GLG1: variants seen among roughly 807,000 people sequenced by gnomAD.
GLG1 encodes golgi glycoprotein 1, also known as Golgi apparatus protein 1.
GLG1 carries 38 observed loss-of-function variants against 160.5 expected under a neutral mutation model. That is an observed-to-expected ratio of 0.24 (90% CI 0.18 to 0.31). The LOEUF is 0.31. GLG1 is among the 10% of genes least tolerant of loss of function. The probability of loss-of-function intolerance (pLI) is 1.00; values close to 1 mark genes in which losing one functional copy is unlikely to be tolerated. For synonymous variants in GLG1, 644 were observed against 543.4 expected (o/e 1.19, Z -2.57); for missense variants, 1,373 against 1,505.2 (o/e 0.91, Z 1.45).
chr16:74,516,950 T>A (rs888826005), intron 2 of GLG1, among the ~76,000 whole-genome samples: 3 of 152,176 alleles, frequency 2.0e-5, no homozygotes, highest in Non-Finnish European at 4.4e-5. Context: ...CTAGAAAATC[T>A]AGAAGAAATG....
intron 7 of GLG1, among the ~76,000 whole-genome samples, chr16:74,491,688 G>C (rs1399101258): frequency 8.1e-4 from 11 of 13,528 alleles, no homozygotes; most frequent in Non-Finnish European, 5.8e-4. Context: ...ACCCAGGCTG[G>C]AGTGCAGCGC....
intron 18 of GLG1, 132 bp downstream of exon 18, chr16:74,467,624 T>G (rs2015046484): frequency 8.2e-6 from 5 of 612,926 alleles, no homozygotes; most frequent in East Asian, 2.9e-5. Context: ...TTGGAAGGGA[T>G]GAGATGGGTC....
At chr16:74,544,332 A>T (rs1313519572) in intron 1 of GLG1, among the ~76,000 whole-genome samples, 3 of 152,206 alleles carry the variant, frequency 2.0e-5, no homozygotes, top group Non-Finnish European at 2.9e-5. Context: ...TGTTGTTTTG[A>T]GACAGAGTTT....
chr16:74,473,437 CTTTTT>C (rs11421713), intron 13 of GLG1, among the ~76,000 whole-genome samples: 1 of 110,992 alleles, frequency 9.0e-6, no homozygotes, highest in East Asian at 2.5e-4. Context: ...TGGTCTTGAC[CTTTTT>C]TTTTTTTTTT....
intron 1 of GLG1, among the ~76,000 whole-genome samples, chr16:74,580,608 T>C (rs905024753): frequency 6.6e-5 from 10 of 152,132 alleles, no homozygotes; most frequent in East Asian, 1.9e-4. Context: ...CTTCATGACA[T>C]TGAATTTGCA....
At position 74,588,084 on chromosome 16, in the gene GLG1, G is replaced by C. The variant is rs531693449; in HGVS notation, c.438+18573C>G. Among the ~76,000 whole-genome samples, 5 of 151,314 alleles carry C rather than the reference G, an allele frequency of 3.3e-5. No individual in the cohort carries two copies. The South Asian group carries it at 8.4e-4, about 25-fold the overall frequency. On this transcript the variant is annotated intron_variant, in intron 1 of 25. Coordinates refer to ENST00000422840, the MANE Select transcript of GLG1 (RefSeq NM_001145667.2). ...GCAATTATCCAAAATGAAACACAGAGAGAAAAAAAACAGGGGGAGCGTTGG... is the reference window on the plus strand; with the variant it reads ...GCAATTATCCAAAATGAAACACAGACAGAAAAAAAACAGGGGGAGCGTTGG...
Position 74,511,599 on chromosome 16 carries a change from AAAAGAAAG to A in GLG1, c.472-2682_472-2675del, listed in dbSNP as rs1227811955. 5.9e-3 allele frequency among the ~76,000 whole-genome samples: 859 copies of A among 146,596 alleles called. 2 individuals are homozygous for A. The highest frequency in any genetic ancestry group is 0.018 in the Middle Eastern group (5 of 284). ...CCTTTTTTTTTTAAAAAAAAAAAAA[AAAAGAAAG>A]AAAGAAAGAAAGAAAAGAAAAGCTT... On this transcript the variant is annotated intron_variant, in intron 2 of 25. Coordinates refer to ENST00000422840, the MANE Select transcript of GLG1 (RefSeq NM_001145667.2).
At chr16:74,498,085 G>C (rs1020610302) in intron 4 of GLG1, among the ~76,000 whole-genome samples, 4 of 151,888 alleles carry the variant, frequency 2.6e-5, no homozygotes, top group African/African-American at 9.7e-5. Context: ...TACAAGATAT[G>C]TTTCAACAAT....
At position 74,452,347 on chromosome 16, in the gene GLG1, G is replaced by C; in HGVS notation, c.*820C>G. The C allele has an allele frequency of 2.9e-6, 4 of 1,374,976 alleles. No homozygotes were observed. Among genetic ancestry groups the C allele is most frequent in the Non-Finnish European group, 3.8e-6 (4 of 1,061,700 alleles). The allele number at this position is 1,374,976 out of a possible 1,614,324, so 85.2% of individuals were successfully genotyped here. On this transcript the variant is annotated 3_prime_UTR_variant, in exon 26 of 26. Coordinates refer to ENST00000422840, the MANE Select transcript of GLG1 (RefSeq NM_001145667.2). ...AGGTTCCTGGGATCCTGCTGCCCCG[G>C]GACTCAGGATCCAGCCTCTCAGTGC...
rs1398671622 is a variant in GLG1, at chr16:74,478,200, G to A, written c.1828-667C>T. Among the ~76,000 whole-genome samples, 3 of 152,124 alleles carry A rather than the reference G, an allele frequency of 2.0e-5. No individual in the cohort carries two copies. In the East Asian group the frequency reaches 5.8e-4, roughly 29 times the overall value. The stretch of plus-strand genomic sequence containing the variant: ...TGTTGTTTTGCTTAGCAAAACTAAT[G>A]TGTCAGTCTATGAACACCAGGTAGA... On this transcript the variant is annotated intron_variant, in intron 11 of 25. Coordinates refer to ENST00000422840, the MANE Select transcript of GLG1 (RefSeq NM_001145667.2).
At chr16:74,494,641 G>A (rs576209212) in intron 6 of GLG1, 119 bp downstream of exon 6, 13 of 496,908 alleles carry the variant, frequency 2.6e-5, no homozygotes, top group Admixed American at 2.4e-4. Flanking sequence ...TCCTGACCTC[G>A]TGATCCACCT....
At chr16:74,507,698 T>C (rs959404868) in intron 3 of GLG1, among the ~76,000 whole-genome samples, 2 of 151,836 alleles carry the variant, frequency 1.3e-5, no homozygotes, top group African/African-American at 4.8e-5. Flanking sequence ...GTGGCACCAC[T>C]GCACTCCAGC....
intron 3 of GLG1, among the ~76,000 whole-genome samples, chr16:74,507,728 T>A (rs1416495516): frequency 6.6e-6 from 1 of 151,178 alleles, no homozygotes; most frequent in East Asian, 1.9e-4. Flanking sequence ...AGAGCAAGAC[T>A]CCATCTCAAA....
rs752649299 is a variant in GLG1 at position 74,472,595 on chromosome 16, C to A, written c.2053-184G>T. The A allele has an allele frequency of 2.4e-5, 35 of 1,485,822 alleles. 1 individual carries two copies. The African/African-American group carries it at 3.6e-4, about 15-fold the overall frequency. The allele number at this position is 1,485,822 out of a possible 1,614,324, so 92.0% of individuals were successfully genotyped here. ...AATATAGAACTGCTCCTCCGTTATA[C>A]TTTGAAAGGCAAATTTTTAAAGACA... On this transcript the variant is annotated intron_variant, in intron 13 of 25. Coordinates refer to ENST00000422840, the MANE Select transcript of GLG1 (RefSeq NM_001145667.2).
chr16:74,457,111 C>G (rs988039389), intron 24 of GLG1, among the ~76,000 whole-genome samples: 3 of 152,114 alleles, frequency 2.0e-5, no homozygotes, highest in Non-Finnish European at 4.4e-5. Context: ...AAAACGAAAA[C>G]AGGCTGGGCA....
chr16:74,506,607 C>CAAAAAAAAA (rs1567489940), intron 3 of GLG1, among the ~76,000 whole-genome samples: 12 of 126,716 alleles, frequency 9.5e-5, no homozygotes, highest in East Asian at 4.7e-4. Flanking sequence ...AAAAAAAACT[C>CAAAAAAAAA]AAGAGAAACC....
intron 4 of GLG1, among the ~76,000 whole-genome samples, chr16:74,498,285 A>T (rs1212427092): frequency 6.7e-6 from 1 of 148,806 alleles, no homozygotes; most frequent in East Asian, 2.0e-4. Context: ...ACAAAATATC[A>T]GCTGGATGTG....
Position 74,447,606 on chromosome 16 carries a change from A to T in GLG1, c.*5561T>A, listed in dbSNP as rs1034692390. The T allele has an allele frequency of 2.0e-5, 3 of 152,278 alleles. No homozygotes were observed. The highest frequency in any genetic ancestry group is 6.5e-5 in the Admixed American group (1 of 15,290). The allele number at this position is 152,278 out of a possible 1,614,324, so 9.4% of individuals were successfully genotyped here. ...TAGAAAGGAAACCCATTTACAAAAG[A>T]GGCTTGTTAATTGTATTTTTTTCTT... On this transcript the variant is annotated 3_prime_UTR_variant, in exon 26 of 26. Coordinates refer to ENST00000422840, the MANE Select transcript of GLG1 (RefSeq NM_001145667.2).
At chr16:74,539,403 C>T (rs1159964019) in intron 1 of GLG1, among the ~76,000 whole-genome samples, 5 of 151,930 alleles carry the variant, frequency 3.3e-5, no homozygotes, top group Admixed American at 2.6e-4. Flanking sequence ...AAAGGTCTCA[C>T]ATAAATATAG....
Sources: gnomAD v4.1 joint callset for allele counts (sites outside exome capture counted in the v4.1 genomes callset) on GRCh38, gnomAD v4.1.1 for gene constraint, MANE v1.5 for transcripts, NCBI Gene and HGNC (gene_info 2026-07-23, HGNC 2026-07-21) for gene names.